The following SLC28A3 variants were observed in gnomAD, a reference collection of about 807,000 sequenced individuals.
SLC28A3 encodes the protein solute carrier family 28 member 3, also known as concentrative Na(+)-nucleoside cotransporter 3.
A neutral mutation model predicts 84.2 loss-of-function variants in SLC28A3; 68 were observed. The observed-to-expected ratio is 0.81, with a 90% CI of 0.66 to 0.99. SLC28A3 has a LOEUF of 0.99. Among genes scored for constraint, SLC28A3 ranks in the 50% least tolerant of loss-of-function variants. The pLI, the probability that SLC28A3 is intolerant of heterozygous loss-of-function variation, is 0.00. For synonymous variants in SLC28A3, 267 were observed against 303.6 expected (o/e 0.88, Z 1.25); for missense variants, 712 against 841.5 (o/e 0.85, Z 1.90).
chr9:84,283,683 G>T (rs1369571032), intron 14 of SLC28A3, among the ~76,000 whole-genome samples: 2 of 152,126 alleles, frequency 1.3e-5, no homozygotes, highest in Non-Finnish European at 2.9e-5. Flanking sequence ...ATGCAATAAG[G>T]GGCTCATACT....
intron 5 of SLC28A3, 57 bp downstream of exon 5, chr9:84,302,143 G>T (rs1049760860): frequency 1.9e-6 from 3 of 1,539,530 alleles, no homozygotes; most frequent in African/African-American, 1.4e-5. Context: ...TTTTGAAACG[G>T]TGTTGGAAAG....
chr9:84,308,106 A>G (rs1260041427), intron 3 of SLC28A3, among the ~76,000 whole-genome samples: 1 of 152,170 alleles, frequency 6.6e-6, no homozygotes, highest in East Asian at 1.9e-4. Context: ...TACATATAAC[A>G]AAGTTCCTCC....
chr9:84,292,001 GA>G (rs1825242735), intron 10 of SLC28A3, among the ~76,000 whole-genome samples: 1 of 152,182 alleles, frequency 6.6e-6, no homozygotes, highest in Non-Finnish European at 1.5e-5. Flanking sequence ...ATGGAACAGG[GA>G]GGTGAAAATT....
chr9:84,290,414 C>CTG, intron 10 of SLC28A3, 135 bp from the exon 11 acceptor site: 1 of 1,073,556 alleles, frequency 9.3e-7, no homozygotes, highest in Non-Finnish European at 1.3e-6. Context: ...GCTCCATCAG[C>CTG]GTCACCTGGA....
upstream of SLC28A3, among the ~76,000 whole-genome samples, chr9:84,343,948 AG>A (rs1267076413): frequency 6.6e-6 from 1 of 152,108 alleles, no homozygotes; most frequent in Non-Finnish European, 1.5e-5. Flanking sequence ...ACAATTAGCC[AG>A]GTGTGGTGGT....
the SLC28A3 span, among the ~76,000 whole-genome samples, chr9:84,351,060 TAAA>T: frequency 6.6e-6 from 1 of 152,206 alleles, no homozygotes; most frequent in Non-Finnish European, 1.5e-5. Context: ...ACTCTTGTAA[TAAA>T]ACCTAGCTTA....
At chr9:84,358,739 A>G in the SLC28A3 span, among the ~76,000 whole-genome samples, 2 of 152,188 alleles carry the variant, frequency 1.3e-5, no homozygotes, top group African/African-American at 4.8e-5. Flanking sequence ...GTTGTTAAGA[A>G]TAAATTTTTC....
Position 84,333,816 on chromosome 9 carries a change from A to G in SLC28A3, c.60+6758T>C, listed in dbSNP as rs574795486. 2.6e-5 allele frequency among the ~76,000 whole-genome samples: 4 copies of G among 152,338 alleles called. No individual in the cohort carries two copies. The South Asian group carries it at 8.3e-4, about 32-fold the overall frequency. ...CTAAGTACAACCCCAGAGTAAATTT[A>G]TTACAGATACTCCCCCTGGCATGGA... is the stretch of plus-strand genomic sequence containing the variant. On this transcript the variant is annotated intron_variant, in intron 1 of 17. Coordinates refer to ENST00000376238, the MANE Select transcript of SLC28A3 (RefSeq NM_001199633.2).
upstream of SLC28A3, chr9:84,340,819 A>ATTT: frequency 4.5e-6 from 2 of 442,946 alleles, no homozygotes; most frequent in East Asian, 4.3e-5. Context: ...GGTGGGGCAG[A>ATTT]GAGGCGGGCG....
intron 1 of SLC28A3, among the ~76,000 whole-genome samples, chr9:84,323,272 G>A (rs894233419): frequency 3.3e-5 from 5 of 152,166 alleles, no homozygotes; most frequent in Admixed American, 2.0e-4. Context: ...ATGATGTGGA[G>A]TATTAGTATA....
Position 84,292,700 on chromosome 9 carries a change from C to T in SLC28A3, c.991G>A (p.Val331Ile). Residue 331 changes from valine (V) to isoleucine (I), a missense_variant, in exon 10 of 18, where the codon GTA becomes ATA. Transcript: ENST00000376238. ...VTTGSSPIES[V>I]VASGNIFVGQ... is the part of the protein sequence containing the mutation. ...ACAAATATATTGCCAGAAGCAACTA[C>T]AGATTCAATAGGAGATGATCCCGTA... 1 of 1,609,790 alleles carries T rather than the reference C, an allele frequency of 6.2e-7. No homozygotes were observed. The highest frequency in any genetic ancestry group is 8.5e-7 in the Non-Finnish European group (1 of 1,178,610).
At chr9:84,291,338 G>T (rs551678030) in intron 10 of SLC28A3, among the ~76,000 whole-genome samples, 3 of 151,956 alleles carry the variant, frequency 2.0e-5, no homozygotes, top group South Asian at 2.1e-4. Flanking sequence ...GTAAGCATAG[G>T]TTTTTTTTCT....
At chr9:84,332,612 A>G (rs1826832851) in intron 1 of SLC28A3, among the ~76,000 whole-genome samples, 1 of 152,234 alleles carries the variant, frequency 6.6e-6, no homozygotes, top group African/African-American at 2.4e-5. Context: ...GGAAAGAACA[A>G]CTGGCAGGAC....
chr9:84,336,869 A>G (rs1826994396), intron 1 of SLC28A3, among the ~76,000 whole-genome samples: 2 of 152,114 alleles, frequency 1.3e-5, no homozygotes, highest in African/African-American at 4.8e-5. Flanking sequence ...CTCTGCTTGC[A>G]GTGCTCTGCC....
the SLC28A3 span, among the ~76,000 whole-genome samples, chr9:84,353,878 A>G: frequency 6.6e-6 from 1 of 152,198 alleles, no homozygotes; most frequent in African/African-American, 2.4e-5. Flanking sequence ...AGCATTCATT[A>G]GCATGATTCA....
At chr9:84,286,249 A>G in intron 12 of SLC28A3, 138 bp from the exon 13 acceptor site, 1 of 725,956 alleles carries the variant, frequency 1.4e-6, no homozygotes, top group Non-Finnish European at 2.2e-6. Flanking sequence ...TACTCACCTG[A>G]ATCCCATGAC....
In SLC28A3 at chr9:84,286,038, C is replaced by T. The variant is rs2118102589; in HGVS notation, c.1354G>A (p.Val452Met). The T allele has an allele frequency of 6.2e-7, 1 of 1,614,132 alleles. No individual in the cohort carries two copies. Among genetic ancestry groups the T allele is most frequent in the Non-Finnish European group, 8.5e-7 (1 of 1,180,006 alleles). The change falls in exon 13 of 18, where the codon GTG (valine) becomes ATG (methionine). Residue 452 changes from valine (V) to methionine (M), a missense_variant. Physicochemically the swap from Val to Met is conservative, Grantham distance 21. Transcript: ENST00000376238. The stretch of plus-strand genomic sequence containing the variant: ...AGGGCCAGGAAGGCAATCAGATTCA[C>T]AGCGATGTTGGCCACCAGGGAGATG... ...SSISLVANIA[V>M]NLIAFLALLS...
chr9:84,317,723 G>GA (rs1344262050), intron 1 of SLC28A3, among the ~76,000 whole-genome samples: 2 of 152,176 alleles, frequency 1.3e-5, no homozygotes, highest in African/African-American at 4.8e-5. Context: ...CTTCTTGTGG[G>GA]AATGGAGGCA....
chr9:84,285,873 A>C, intron 13 of SLC28A3, 70 bp downstream of exon 13: 1 of 1,514,098 alleles, frequency 6.6e-7, no homozygotes, highest in South Asian at 1.3e-5. Context: ...GGCTGTTTAC[A>C]AACCTATTTT....
Sources: allele counts gnomAD v4.1 joint callset (sites outside exome capture counted in the v4.1 genomes callset), GRCh38; gene constraint gnomAD v4.1.1; transcripts MANE v1.5; gene names NCBI Gene and HGNC (gene_info 2026-07-23, HGNC 2026-07-21).